The following SLC35G2 variants were observed in gnomAD, a reference collection of about 807,000 sequenced individuals.
SLC35G2 encodes the protein transmembrane protein 22.
In SLC35G2, 20 loss-of-function variants were observed where a neutral mutation model predicts 27.2. That is an observed-to-expected ratio of 0.74 (90% confidence interval 0.52 to 1.07). The LOEUF is 1.07. SLC35G2 is among the 50% of genes least tolerant of loss of function. The pLI, the probability that SLC35G2 is intolerant of heterozygous loss-of-function variation, is 0.00. For missense variants in SLC35G2, 416 were observed against 493.3 expected (o/e 0.84, Z 1.48); for synonymous variants, 148 against 165.3 (o/e 0.90, Z 0.80).
intron 1 of SLC35G2, among the ~76,000 whole-genome samples, chr3:136,833,367 C>T (rs1336765964): frequency 1.3e-5 from 2 of 152,178 alleles, no homozygotes; most frequent in African/African-American, 4.8e-5. Context: ...TCAGGAATGA[C>T]TTCCAACTGG....
intron 1 of SLC35G2, among the ~76,000 whole-genome samples, chr3:136,833,069 CAAAAAAA>C (rs56357764): frequency 4.4e-5 from 5 of 114,856 alleles, no homozygotes; most frequent in Non-Finnish European, 7.3e-5. Flanking sequence ...GACTCTGTCT[CAAAAAAA>C]AAAAAAAAAA....
Position 136,848,109 on chromosome 3 carries a change from G to A in SLC35G2, c.-18-6334G>A, listed in dbSNP as rs1378016083. On this transcript the variant is annotated intron_variant, in intron 1 of 1. Transcript: ENST00000446465. ...GAATCCCAAGGGCATAAGCTGTTTG[G>A]AGTCTCTGAATTTAAGAAAGGCCTA... Among the ~76,000 whole-genome samples, 3 of 152,190 alleles carry A rather than the reference G, an allele frequency of 2.0e-5. No homozygotes were observed. The East Asian group carries it at 5.8e-4, about 29-fold the overall frequency.
chr3:136,831,735 C>T (rs922883786), intron 1 of SLC35G2, among the ~76,000 whole-genome samples: 2 of 152,136 alleles, frequency 1.3e-5, no homozygotes, highest in Non-Finnish European at 2.9e-5. Flanking sequence ...GGTTTGAAGC[C>T]TGACTGCACT....
chr3:136,850,745 G>A (rs912415248), intron 1 of SLC35G2, among the ~76,000 whole-genome samples: 21 of 151,582 alleles, frequency 1.4e-4, no homozygotes, highest in African/African-American at 5.1e-4. Context: ...TGTAATCCCA[G>A]CATTTTGAGA....
chr3:136,823,743 G>A (rs911835264), intron 1 of SLC35G2, among the ~76,000 whole-genome samples: 14 of 148,666 alleles, frequency 9.4e-5, no homozygotes, highest in African/African-American at 1.7e-4. Flanking sequence ...TTACAGGCGC[G>A]CGCCACCACA....
At chr3:136,829,915 C>T (rs1936680574) in intron 1 of SLC35G2, among the ~76,000 whole-genome samples, 1 of 151,960 alleles carries the variant, frequency 6.6e-6, no homozygotes, top group Non-Finnish European at 1.5e-5. Flanking sequence ...TGGGTTAAAC[C>T]TGCTTGGTGT....
In SLC35G2 at chr3:136,855,756, A is replaced by T; in HGVS notation, c.*57A>T. On this transcript the variant is annotated 3_prime_UTR_variant, in exon 2 of 2. Coordinates refer to ENST00000446465, the MANE Select transcript of SLC35G2 (RefSeq NM_025246.3). ...AGTTATTATGTATACTGCCATTTTA[A>T]TGTTTACCTATGAATGTCTTTTGTG... 1.5e-6 allele frequency: 2 copies of T among 1,305,654 alleles called. No individual in the cohort carries two copies. Among genetic ancestry groups the T allele is most frequent in the African/African-American group, 1.4e-5 (1 of 69,610 alleles). 80.9% of individuals were successfully genotyped at this position (1,305,654 alleles called of 1,614,324 possible).
At chr3:136,823,812 G>T (rs1412477075) in intron 1 of SLC35G2, among the ~76,000 whole-genome samples, 2 of 151,286 alleles carry the variant, frequency 1.3e-5, no homozygotes, top group Admixed American at 1.3e-4. Context: ...CAGCATGTTG[G>T]TTAGGCTGGT....
At position 136,855,239 on chromosome 3, in the gene SLC35G2, T is replaced by C; in HGVS notation, c.779T>C (p.Met260Thr). 6.2e-7 allele frequency: 1 copy of C among 1,614,214 alleles called. No individual in the cohort carries two copies. Among genetic ancestry groups the C allele is most frequent in the Non-Finnish European group, 8.5e-7 (1 of 1,180,028 alleles). Residue 260 changes from methionine (M) to threonine (T), a missense_variant, in exon 2 of 2, where the codon ATG becomes ACG. Transcript: ENST00000446465. ...NAWKEAFGYT[M>T]TVMAGLTTAL... ...TGGAAAGAAGCCTTTGGGTACACCA[T>C]GACTGTGATGGCTGGACTGACCACT... is the stretch of plus-strand genomic sequence containing the variant.
At chr3:136,832,253 A>G (rs947895751) in intron 1 of SLC35G2, among the ~76,000 whole-genome samples, 1 of 152,166 alleles carries the variant, frequency 6.6e-6, no homozygotes, top group African/African-American at 2.4e-5. Context: ...TGACCTCGTG[A>G]TCCACCTGCC....
chr3:136,832,512 CTTG>C lies in SLC35G2; in HGVS notation c.-19+12889_-19+12891del, dbSNP rs139985871. On this transcript the variant is annotated intron_variant, in intron 1 of 1. Transcript: ENST00000446465. ...TTTCCTTCCTTTAATGTGCATAGTA[CTTG>C]TTGTGTCTGATATCTTTTCTCACCC... 3.4e-4 allele frequency among the ~76,000 whole-genome samples: 52 copies of C among 152,306 alleles called. No individual in the cohort carries two copies. The East Asian group carries it at 6.0e-3, about 18-fold the overall frequency.
chr3:136,855,223 G>A lies in SLC35G2; in HGVS notation c.763G>A (p.Ala255Thr). 1 of 1,614,186 alleles carries A rather than the reference G, an allele frequency of 6.2e-7. No individual in the cohort carries two copies. The highest frequency in any genetic ancestry group is 8.5e-7 in the Non-Finnish European group (1 of 1,180,028). Residue 255 changes from alanine (A) to threonine (T), a missense_variant, in exon 2 of 2, where the codon GCC (alanine) becomes ACC (threonine). Coordinates refer to ENST00000446465, the MANE Select transcript of SLC35G2 (RefSeq NM_025246.3). ...TTCTTTGTTAAATGCCTGGAAAGAA[G>A]CCTTTGGGTACACCATGACTGTGAT... ...DNSLLNAWKE[A>T]FGYTMTVMAG...
intron 1 of SLC35G2, chr3:136,843,104 A>G (rs1178862864): frequency 5.3e-5 from 8 of 152,106 alleles, no homozygotes; most frequent in African/African-American, 1.7e-4. Context: ...TGGGCGGATC[A>G]TGAGGTCAGG....
intron 1 of SLC35G2, among the ~76,000 whole-genome samples, chr3:136,848,760 A>G (rs1207257844): frequency 6.6e-6 from 1 of 152,228 alleles, no homozygotes; most frequent in Non-Finnish European, 1.5e-5. Context: ...GATGGAAATA[A>G]TAGACCCTGG....
At position 136,855,737 on chromosome 3, in the gene SLC35G2, T is replaced by C; in HGVS notation, c.*38T>C. On this transcript the variant is annotated 3_prime_UTR_variant, in exon 2 of 2. Transcript: ENST00000446465. ...TATTGTCTCATTAATGTTCAGTTAT[T>C]ATGTATACTGCCATTTTAATGTTTA... 2 of 1,341,414 alleles carry C rather than the reference T, an allele frequency of 1.5e-6. No individual in the cohort carries two copies. Among genetic ancestry groups the C allele is most frequent in the Non-Finnish European group, 2.0e-6 (2 of 995,614 alleles). 83.1% of individuals were successfully genotyped at this position (1,341,414 alleles called of 1,614,324 possible).
chr3:136,850,286 CA>C (rs1937582911), intron 1 of SLC35G2, among the ~76,000 whole-genome samples: 1 of 152,174 alleles, frequency 6.6e-6, no homozygotes, highest in African/African-American at 2.4e-5. Flanking sequence ...GTAAATTTCA[CA>C]TCGGTCGACT....
At chr3:136,835,244 T>G (rs995438968) in intron 1 of SLC35G2, among the ~76,000 whole-genome samples, 2 of 152,172 alleles carry the variant, frequency 1.3e-5, no homozygotes, top group African/African-American at 4.8e-5. Flanking sequence ...CTTTAATTTG[T>G]GACATTTCCT....
chr3:136,832,864 C>T (rs938380301), intron 1 of SLC35G2, among the ~76,000 whole-genome samples: 3 of 152,050 alleles, frequency 2.0e-5, no homozygotes, highest in Admixed American at 6.6e-5. Context: ...GTCAGGAGAT[C>T]GACACCATCC....
At chr3:136,840,344 T>C (rs1193475121) in intron 1 of SLC35G2, among the ~76,000 whole-genome samples, 3 of 152,190 alleles carry the variant, frequency 2.0e-5, no homozygotes, top group Non-Finnish European at 2.9e-5. Flanking sequence ...CTGGCACTTT[T>C]GTGCTTCCGT....
Sources: allele counts gnomAD v4.1 joint callset (sites outside exome capture counted in the v4.1 genomes callset), GRCh38; gene constraint gnomAD v4.1.1; transcripts MANE v1.5; gene names NCBI Gene and HGNC (gene_info 2026-07-23, HGNC 2026-07-21).